The following IL6ST variants were observed in gnomAD, a reference collection of about 807,000 sequenced individuals.
The protein encoded by IL6ST is interleukin 6 cytokine family signal transducer.
IL6ST carries 24 observed loss-of-function variants against 91.3 expected under a neutral mutation model. The observed-to-expected ratio is 0.26, with a 90% confidence interval of 0.19 to 0.37. The LOEUF (loss-of-function observed/expected upper bound fraction) is 0.37, where lower values mean the gene tolerates loss of function less well. Ranked by LOEUF, IL6ST falls within the 10% of genes least tolerant of loss-of-function variation. IL6ST has a pLI of 1.00. For synonymous variants in IL6ST, 351 were observed against 373.6 expected (o/e 0.94, Z 0.70); for missense variants, 914 against 1,078.5 (o/e 0.85, Z 2.14).
intron 15 of IL6ST, among the ~76,000 whole-genome samples, chr5:55,945,863 A>ATG (rs1016724432): frequency 1.4e-4 from 22 of 151,942 alleles, no homozygotes; most frequent in African/African-American, 5.3e-4. Flanking sequence ...GTTAGCCAGG[A>ATG]TGGCCTCAAT....
At chr5:55,977,386 A>T (rs1162037148) in intron 2 of IL6ST, among the ~76,000 whole-genome samples, 1 of 152,058 alleles carries the variant, frequency 6.6e-6, no homozygotes, top group African/African-American at 2.4e-5. Context: ...TGCCTCAGAA[A>T]TTCTTGATAC....
rs140936464 is a variant in IL6ST, at chr5:55,982,637, A to G, written c.-16+87T>C. The G allele has an allele frequency of 4.6e-3, 1,831 of 396,176 alleles. 4 individuals carry two copies. The highest frequency in any genetic ancestry group is 0.015 in the South Asian group (115 of 7,458). The allele number at this position is 396,176 out of a possible 1,614,324, so 24.5% of individuals were successfully genotyped here. ...TTTCACTTTAGTCTCCTAATATCCTAAAGAATCAGGTGAGTAGGGCAGGGA... is the reference window on the plus strand; with the variant it reads ...TTTCACTTTAGTCTCCTAATATCCTGAAGAATCAGGTGAGTAGGGCAGGGA... On this transcript the variant is annotated intron_variant, in intron 2 of 16. Transcript: ENST00000381298.
At position 55,941,934 on chromosome 5, in the gene IL6ST, C is replaced by G. The variant is rs146085252; in HGVS notation, c.2020-115G>C. On this transcript the variant is annotated intron_variant, in intron 16 of 16. Transcript: ENST00000381298. ...TACAGAAATAACCTGTATTATGTCACTAAGTCACTGTCAACTACCCAAAAT... is the reference window on the plus strand; with the variant it reads ...TACAGAAATAACCTGTATTATGTCAGTAAGTCACTGTCAACTACCCAAAAT... 3.7e-4 allele frequency: 313 copies of G among 857,530 alleles called. No individual in the cohort carries two copies. The African/African-American group carries it at 4.7e-3, about 13-fold the overall frequency. 53.1% of individuals were successfully genotyped at this position (857,530 alleles called of 1,614,324 possible). A position where few individuals can be genotyped will look rare whatever the true frequency, so the allele number is the denominator to read the frequency against.
At position 55,956,159 on chromosome 5, in the gene IL6ST, T is replaced by G; in HGVS notation, c.1133A>C (p.Gln378Pro). Residue 378 changes from glutamine (Q) to proline (P), a missense_variant, in exon 10 of 17, where the codon CAA becomes CCA. By Grantham distance (76) the Gln-to-Pro change is moderately conservative. Transcript: ENST00000381298. ...VTLTRWKSHLQNYTVNATKLT... is the reference protein window; with the variant it reads ...VTLTRWKSHLPNYTVNATKLT... ...TTTTGTGGCATTAACTGTGTAATTTTGTAAATGTGATTTCCATCTTGTGAG... is the reference window on the plus strand; with the variant it reads ...TTTTGTGGCATTAACTGTGTAATTTGGTAAATGTGATTTCCATCTTGTGAG... The G allele has an allele frequency of 6.2e-7, 1 of 1,612,914 alleles. No individual in the cohort carries two copies. Among genetic ancestry groups the G allele is most frequent in the Non-Finnish European group, 8.5e-7 (1 of 1,178,842 alleles).
chr5:55,946,085 G>A lies in IL6ST; in HGVS notation c.1937+1408C>T, dbSNP rs146555832. ...AACAAAATAACCCAATTTGAAAATGGGTAAAAGATTTCAATAGACACATCA... is the reference window on the plus strand; with the variant it reads ...AACAAAATAACCCAATTTGAAAATGAGTAAAAGATTTCAATAGACACATCA... On this transcript the variant is annotated intron_variant, in intron 15 of 16. Transcript: ENST00000381298. Among the ~76,000 whole-genome samples the A allele has an allele frequency of 2.1e-3, 316 of 152,122 alleles. 7 individuals carry two copies. Among genetic ancestry groups the A allele is most frequent in the Non-Finnish European group, 8.7e-4 (59 of 67,994 alleles).
intron 3 of IL6ST, among the ~76,000 whole-genome samples, chr5:55,973,107 C>T (rs1196292345): frequency 6.6e-6 from 1 of 151,378 alleles, no homozygotes; most frequent in African/African-American, 2.4e-5. Flanking sequence ...TAGGTTCATA[C>T]TCAAATTTAT....
chr5:55,974,318 A>G (rs932503738), intron 3 of IL6ST, among the ~76,000 whole-genome samples: 1 of 152,074 alleles, frequency 6.6e-6, no homozygotes, highest in African/African-American at 2.4e-5. Context: ...TTTCCTCTAT[A>G]TTAACTTATT....
chr5:55,964,110 T>C (rs1752498075), intron 6 of IL6ST, 36 bp downstream of exon 6: 1 of 1,135,516 alleles, frequency 8.8e-7, no homozygotes, highest in East Asian at 2.7e-5. Flanking sequence ...ACGACTACAG[T>C]GTCAAATAAA....
At chr5:55,944,786 A>C in intron 15 of IL6ST, 1 of 721,968 alleles carries the variant, frequency 1.4e-6, no homozygotes, top group East Asian at 2.8e-5. Flanking sequence ...ATGGAATGCC[A>C]GACGCTGGGG....
At chr5:55,986,413 TATC>T (rs1483062678) in intron 1 of IL6ST, among the ~76,000 whole-genome samples, 4 of 152,192 alleles carry the variant, frequency 2.6e-5, no homozygotes, top group Admixed American at 2.6e-4. Flanking sequence ...TGATTAGTGT[TATC>T]ATGACATATC....
chr5:55,960,051 A>C (rs1259053399), intron 8 of IL6ST, among the ~76,000 whole-genome samples: 1 of 151,940 alleles, frequency 6.6e-6, no homozygotes, highest in Non-Finnish European at 1.5e-5. Flanking sequence ...ACGCCCGGCT[A>C]ATTTTTGTAT....
chr5:55,984,626 T>C lies in IL6ST; in HGVS notation c.-103-1815A>G, dbSNP rs1186234119. ...CTCCAAAACCTTGAGAGAATAAATT[T>C]GTTGTTTTGAGCCACCCAATTTGTG... On this transcript the variant is annotated intron_variant, in intron 1 of 16. Transcript: ENST00000381298. Among the ~76,000 whole-genome samples, 5 of 152,306 alleles carry C rather than the reference T, an allele frequency of 3.3e-5. No homozygotes were observed. In the East Asian group the frequency reaches 9.6e-4, roughly 29 times the overall value.
At chr5:55,992,869 C>T (rs1261466575) in intron 1 of IL6ST, among the ~76,000 whole-genome samples, 1 of 152,166 alleles carries the variant, frequency 6.6e-6, no homozygotes, top group South Asian at 2.1e-4. Context: ...ATTAAAACTG[C>T]TTTGCATCCT....
intron 4 of IL6ST, among the ~76,000 whole-genome samples, chr5:55,968,598 C>A (rs747522277): frequency 6.6e-6 from 1 of 152,296 alleles, no homozygotes; most frequent in East Asian, 1.9e-4. Flanking sequence ...AATATATATA[C>A]ATCCATCCTA....
chr5:55,984,340 T>C (rs1753832385), intron 1 of IL6ST, among the ~76,000 whole-genome samples: 1 of 152,214 alleles, frequency 6.6e-6, no homozygotes, highest in Non-Finnish European at 1.5e-5. Context: ...AAAAAATATG[T>C]TGAAGTCTTA....
intron 2 of IL6ST, among the ~76,000 whole-genome samples, chr5:55,978,021 G>A (rs997751154): frequency 3.3e-5 from 5 of 151,970 alleles, no homozygotes; most frequent in African/African-American, 9.6e-5. Context: ...GACTACATTT[G>A]TCAAAATTCA....
At chr5:55,971,312 A>G (rs1580839723) in intron 3 of IL6ST, among the ~76,000 whole-genome samples, 2 of 152,202 alleles carry the variant, frequency 1.3e-5, no homozygotes, top group Admixed American at 1.3e-4. Flanking sequence ...CTTAATAAGC[A>G]TATCAACATC....
intron 3 of IL6ST, among the ~76,000 whole-genome samples, chr5:55,970,295 G>T (rs769752200): frequency 6.6e-6 from 1 of 152,124 alleles, no homozygotes; most frequent in Non-Finnish European, 1.5e-5. Flanking sequence ...AGTATACATT[G>T]TCCACACATC....
intron 1 of IL6ST, among the ~76,000 whole-genome samples, chr5:55,988,873 G>A (rs1754146551): frequency 6.6e-6 from 1 of 151,744 alleles, no homozygotes; most frequent in African/African-American, 2.4e-5. Flanking sequence ...CACTTTGGGA[G>A]GCCGAGGTAG....
Sources: allele counts gnomAD v4.1 joint callset (sites outside exome capture counted in the v4.1 genomes callset), GRCh38; gene constraint gnomAD v4.1.1; transcripts MANE v1.5; gene names NCBI Gene and HGNC (gene_info 2026-07-23, HGNC 2026-07-21).